The following CCDC85A variants were observed in gnomAD, a reference collection of about 807,000 sequenced individuals.
CCDC85A encodes the protein coiled-coil domain containing 85A.
A neutral mutation model predicts 50.2 loss-of-function variants in CCDC85A; 38 were observed. The ratio of observed to expected loss-of-function variants is 0.76; its 90% CI spans 0.58 to 0.99. The LOEUF (loss-of-function observed/expected upper bound fraction) is 0.99. Among genes scored for constraint, CCDC85A ranks in the 50% least tolerant of loss-of-function variants. CCDC85A has a pLI of 0.00. For missense variants in CCDC85A, 820 were observed against 742.0 expected, an observed-to-expected ratio of 1.11 and a Z score of -1.22; for synonymous variants, 366 against 301.4, an observed-to-expected ratio of 1.21 and a Z score of -2.22.
chr2:56,328,897 C>A (rs1217113685), intron 2 of CCDC85A, among the ~76,000 whole-genome samples: 2 of 152,088 alleles, frequency 1.3e-5, no homozygotes, highest in African/African-American at 2.4e-5. Context: ...ATTCTTGTTT[C>A]TTTTCTCTCT....
Position 56,193,070 on chromosome 2 carries a change from C to T in CCDC85A, c.870C>T (p.Pro290=), listed in dbSNP as rs772609044. ...EHHKPLCKGS[P]EQQRHPHPGS... ...ACAAACCCTTGTGCAAGGGCAGCCCCGAACAGCAAAGGCACCCGCATCCAG... is the reference window on the plus strand; with the variant it reads ...ACAAACCCTTGTGCAAGGGCAGCCCTGAACAGCAAAGGCACCCGCATCCAG... The change falls in exon 2 of 6, where the codon CCC becomes CCT. Residue 290 remains proline (P), a synonymous_variant. Coordinates refer to ENST00000407595, the MANE Select transcript of CCDC85A (RefSeq NM_001080433.2). The T allele has an allele frequency of 7.4e-6, 12 of 1,613,332 alleles. No individual in the cohort carries two copies. The highest frequency in any genetic ancestry group is 4.0e-5 in the African/African-American group (3 of 74,752).
Position 56,379,797 on chromosome 2 carries a change from TG to T in CCDC85A, c.1572+3863del, listed in dbSNP as rs1676501072. 4.1e-6 allele frequency: 4 copies of T among 984,898 alleles called. No individual in the cohort carries two copies. In the African/African-American group the frequency reaches 7.0e-5, roughly 17 times the overall value. The allele number at this position is 984,898 out of a possible 1,614,324, so 61.0% of individuals were successfully genotyped here. A position where few individuals can be genotyped will look rare whatever the true frequency, so the allele number is the denominator to read the frequency against. On this transcript the variant is annotated intron_variant, in intron 5 of 5. Coordinates refer to ENST00000407595, the MANE Select transcript of CCDC85A (RefSeq NM_001080433.2). ...TAGATCGTCAACAGGGTAAAGAGTA[TG>T]AACATGACCTTAGTGAGACAGAAAA...
At chr2:56,382,249 A>T (rs1387924345) in intron 5 of CCDC85A, among the ~76,000 whole-genome samples, 4 of 152,028 alleles carry the variant, frequency 2.6e-5, no homozygotes, top group African/African-American at 9.7e-5. Context: ...GAGAAATTAT[A>T]TGCCTTTATA....
intron 2 of CCDC85A, among the ~76,000 whole-genome samples, chr2:56,292,056 C>T (rs1452869767): frequency 6.6e-6 from 1 of 152,098 alleles, no homozygotes; most frequent in African/African-American, 2.4e-5. Context: ...GCATCACAGG[C>T]ACATTCTGAG....
At chr2:56,357,655 C>CTTTT (rs67738219) in intron 3 of CCDC85A, among the ~76,000 whole-genome samples, 55,233 of 114,446 alleles carry the variant, frequency 0.48, 14,641 homozygotes, top group East Asian at 0.76. Flanking sequence ...TGTCCATTTC[C>CTTTT]TTTTTTTTTT....
intron 2 of CCDC85A, among the ~76,000 whole-genome samples, chr2:56,200,131 T>A (rs1409436011): frequency 6.6e-6 from 1 of 152,202 alleles, no homozygotes; most frequent in Non-Finnish European, 1.5e-5. Context: ...CCTCCCAAAG[T>A]GCTGGAATTA....
chr2:56,254,030 T>C (rs979806888), intron 2 of CCDC85A, among the ~76,000 whole-genome samples: 1 of 152,090 alleles, frequency 6.6e-6, no homozygotes, highest in Non-Finnish European at 1.5e-5. Flanking sequence ...CCCTCAACTC[T>C]AGTCTTAAGG....
intron 3 of CCDC85A, among the ~76,000 whole-genome samples, chr2:56,343,285 G>A (rs1437180776): frequency 1.3e-5 from 2 of 152,128 alleles, no homozygotes; most frequent in African/African-American, 4.8e-5. Flanking sequence ...TGTGGTTGGT[G>A]GATATAGGGA....
In CCDC85A at chr2:56,298,062, C is replaced by A. The variant is rs537834118; in HGVS notation, c.1241-44817C>A. ...TAAGGTCATGCCCCAGGCATCAGAA[C>A]CATCTTGCATAGCCAGTGAACCTCC... is the stretch of plus-strand genomic sequence containing the variant. On this transcript the variant is annotated intron_variant, in intron 2 of 5. Transcript: ENST00000407595. 1.4e-4 allele frequency among the ~76,000 whole-genome samples: 21 copies of A among 152,236 alleles called. No individual in the cohort carries two copies. The Middle Eastern group carries it at 0.01, about 74-fold the overall frequency.
At chr2:56,221,213 G>T (rs910002138) in intron 2 of CCDC85A, among the ~76,000 whole-genome samples, 2 of 151,964 alleles carry the variant, frequency 1.3e-5, no homozygotes, top group Non-Finnish European at 2.9e-5. Flanking sequence ...TGTGTACAAG[G>T]TTCTCTTGGA....
In CCDC85A at chr2:56,192,954, A is replaced by G. The variant is rs1174343594; in HGVS notation, c.754A>G (p.Arg252Gly). 1 of 1,611,754 alleles carries G rather than the reference A, an allele frequency of 6.2e-7. No individual in the cohort carries two copies. Among genetic ancestry groups the G allele is most frequent in the Non-Finnish European group, 8.5e-7 (1 of 1,179,246 alleles). The change falls in exon 2 of 6, where the codon AGG becomes GGG. Residue 252 changes from arginine to glycine, a missense_variant. By Grantham distance (125) the Arg-to-Gly change is moderately radical (BLOSUM62 -2). Transcript: ENST00000407595. This position sits in a 1 kb window ranked among gnomAD's most constrained non-coding sequence, Gnocchi z 4.7. ...GGGCAGCCCGGAGCACTCCAAGCACAGGAGCGCCAGCCCCGAGCATCCACA... is the reference window on the plus strand; with the variant it reads ...GGGCAGCCCGGAGCACTCCAAGCACGGGAGCGCCAGCCCCGAGCATCCACA... ...SEGSPEHSKH[R>G]SASPEHPQKP...
intron 2 of CCDC85A, among the ~76,000 whole-genome samples, chr2:56,267,426 C>T (rs867760981): frequency 5.9e-5 from 9 of 152,142 alleles, no homozygotes; most frequent in South Asian, 2.1e-4. Context: ...TTACATATGG[C>T]GCACACTTAA....
chr2:56,352,443 T>G (rs1675001088), intron 3 of CCDC85A, among the ~76,000 whole-genome samples: 1 of 152,162 alleles, frequency 6.6e-6, no homozygotes, highest in African/African-American at 2.4e-5. Flanking sequence ...CCTCCCTGGT[T>G]CGAGTGATTC....
At chr2:56,352,162 T>C (rs1039692926) in intron 3 of CCDC85A, among the ~76,000 whole-genome samples, 28 of 152,296 alleles carry the variant, frequency 1.8e-4, no homozygotes, top group African/African-American at 6.7e-4. Context: ...ATATAACGCA[T>C]TAGTAATTTA....
chr2:56,245,895 GT>G (rs1405504699), intron 2 of CCDC85A, among the ~76,000 whole-genome samples: 3 of 152,150 alleles, frequency 2.0e-5, no homozygotes, highest in Non-Finnish European at 2.9e-5. Flanking sequence ...GAACTTCCCA[GT>G]TTCCAGAACT....
At chr2:56,203,961 G>A (rs890801120) in intron 2 of CCDC85A, among the ~76,000 whole-genome samples, 2 of 152,082 alleles carry the variant, frequency 1.3e-5, no homozygotes, top group African/African-American at 2.4e-5. Flanking sequence ...GAGTAGATTC[G>A]GGACTGGCTT....
intron 3 of CCDC85A, among the ~76,000 whole-genome samples, chr2:56,356,842 T>C (rs927775527): frequency 1.3e-5 from 2 of 151,288 alleles, no homozygotes; most frequent in African/African-American, 4.9e-5. Context: ...GGCCGAGGCT[T>C]GTGGATCACG....
chr2:56,279,632 A>T (rs1416977034), intron 2 of CCDC85A, among the ~76,000 whole-genome samples: 13 of 152,136 alleles, frequency 8.5e-5, no homozygotes, highest in Non-Finnish European at 1.6e-4. Context: ...CTTCTATGAG[A>T]TCAACTTTTT....
At chr2:56,210,803 G>A (rs1040944992) in intron 2 of CCDC85A, among the ~76,000 whole-genome samples, 9 of 151,972 alleles carry the variant, frequency 5.9e-5, no homozygotes, top group African/African-American at 2.2e-4. Context: ...CAAGGCAAAA[G>A]CCACCTGGCA....
Sources: gnomAD v4.1 joint callset for allele counts (sites outside exome capture counted in the v4.1 genomes callset) on GRCh38, gnomAD v4.1.1 for gene constraint, Gnocchi (gnomAD v3.1) non-coding constraint, MANE v1.5 for transcripts, NCBI Gene and HGNC (gene_info 2026-07-23, HGNC 2026-07-21) for gene names.